The following EPHB1 variants were observed in gnomAD, a reference collection of about 807,000 sequenced individuals.
The protein encoded by EPHB1 is ephrin type-B receptor 1.
In EPHB1, 30 loss-of-function variants were observed where a neutral mutation model predicts 94.4. The ratio of observed to expected loss-of-function variants is 0.32; its 90% CI spans 0.24 to 0.43. The LOEUF (loss-of-function observed/expected upper bound fraction) is 0.43. Ranked by LOEUF, EPHB1 falls within the 20% of genes least tolerant of loss-of-function variation. EPHB1 has a pLI of 1.00. For synonymous variants in EPHB1, 522 were observed against 489.1 expected, an observed-to-expected ratio of 1.07 and a Z score of -0.89; for missense variants, 1,055 against 1,308.3, an observed-to-expected ratio of 0.81 and a Z score of 2.99.
At chr3:135,241,335 T>C (rs745934721) in intron 13 of EPHB1, 38 bp downstream of exon 13, 40 of 1,611,700 alleles carry the variant, frequency 2.5e-5, no homozygotes, top group South Asian at 3.3e-5. Flanking sequence ...CAAACCCCCA[T>C]TGAAGGGATC....
chr3:135,038,778 G>C (rs932685449), intron 3 of EPHB1, among the ~76,000 whole-genome samples: 92 of 152,192 alleles, frequency 6.0e-4, no homozygotes, highest in African/African-American at 2.1e-3. Flanking sequence ...TGGACCCAAA[G>C]AGTGAGCAGT....
At chr3:134,924,533 G>A (rs1380345723) in intron 1 of EPHB1, among the ~76,000 whole-genome samples, 2 of 152,166 alleles carry the variant, frequency 1.3e-5, no homozygotes, top group Non-Finnish European at 2.9e-5. Flanking sequence ...GGACCATAAT[G>A]ATATATCACT....
chr3:135,128,504 A>G (rs1940294388), intron 4 of EPHB1, among the ~76,000 whole-genome samples: 1 of 152,236 alleles, frequency 6.6e-6, no homozygotes, highest in Non-Finnish European at 1.5e-5. Context: ...ACCTGGGGCC[A>G]TCATCATTTT....
At chr3:134,853,708 T>G (rs77684936) in intron 1 of EPHB1, among the ~76,000 whole-genome samples, 111 of 152,326 alleles carry the variant, frequency 7.3e-4, no homozygotes, top group African/African-American at 2.5e-3. Context: ...TGAACCTGCC[T>G]GCAGAAGCAC....
intron 15 of EPHB1, 77 bp downstream of exon 15, chr3:135,249,568 G>T: frequency 6.6e-7 from 1 of 1,519,100 alleles, no homozygotes; most frequent in South Asian, 1.3e-5. Context: ...GATGGTGTGA[G>T]TCCTATTTCT....
At chr3:135,133,901 T>G (rs1940518227) in intron 5 of EPHB1, among the ~76,000 whole-genome samples, 1 of 152,272 alleles carries the variant, frequency 6.6e-6, no homozygotes, top group South Asian at 2.1e-4. Flanking sequence ...TAGCATGTAC[T>G]GTGTGCCACG....
At chr3:134,925,101 C>T (rs528342485) in intron 1 of EPHB1, among the ~76,000 whole-genome samples, 21 of 152,338 alleles carry the variant, frequency 1.4e-4, no homozygotes, top group African/African-American at 5.1e-4. Context: ...CAGCAGCATC[C>T]AGGTGTCTGT....
At chr3:134,809,197 A>C (rs2036121157) in intron 1 of EPHB1, among the ~76,000 whole-genome samples, 1 of 152,184 alleles carries the variant, frequency 6.6e-6, no homozygotes, top group African/African-American at 2.4e-5. Context: ...CAGATCTTCA[A>C]AGTCATTTGC....
intron 1 of EPHB1, among the ~76,000 whole-genome samples, chr3:134,882,948 GA>G (rs2037788422): frequency 6.6e-6 from 1 of 151,702 alleles, no homozygotes; most frequent in Non-Finnish European, 1.5e-5. Context: ...TCAGCCTCCC[GA>G]ATAGCTGGCA....
At chr3:134,834,706 A>G (rs35988574) in intron 1 of EPHB1, among the ~76,000 whole-genome samples, 20,724 of 152,140 alleles carry the variant, frequency 0.14, 1,695 homozygotes, top group African/African-American at 0.23. Context: ...AGTTGAGGAC[A>G]TCCAGGTGAA....
At chr3:135,108,945 G>C (rs1228114888) in intron 4 of EPHB1, among the ~76,000 whole-genome samples, 1 of 152,188 alleles carries the variant, frequency 6.6e-6, no homozygotes, top group East Asian at 1.9e-4. Flanking sequence ...TCAGTGAGGA[G>C]TTACTGAAGG....
intron 1 of EPHB1, among the ~76,000 whole-genome samples, chr3:134,870,497 A>G (rs2037477184): frequency 6.6e-6 from 1 of 152,236 alleles, no homozygotes; most frequent in African/African-American, 2.4e-5. Context: ...CCCACTTAGA[A>G]AGGCCAGGAG....
At chr3:135,153,733 G>C (rs1941267446) in intron 5 of EPHB1, among the ~76,000 whole-genome samples, 1 of 152,082 alleles carries the variant, frequency 6.6e-6, no homozygotes, top group Non-Finnish European at 1.5e-5. Flanking sequence ...ATCATCTCTT[G>C]CCCCAGGTTC....
chr3:134,950,304 T>G (rs28718846), intron 2 of EPHB1, among the ~76,000 whole-genome samples: 17,338 of 152,238 alleles, frequency 0.11, 1,105 homozygotes, highest in Non-Finnish European at 0.13. Context: ...CTCCAGCATT[T>G]TCCTCCATCA....
At position 135,073,628 on chromosome 3, in the gene EPHB1, A is replaced by G. The variant is rs534893820; in HGVS notation, c.806-32820A>G. Among the ~76,000 whole-genome samples, 3 of 152,368 alleles carry G rather than the reference A, an allele frequency of 2.0e-5. 1 individual carries two copies. Among genetic ancestry groups the G allele is most frequent in the South Asian group, 4.1e-4 (2 of 4,826 alleles). The stretch of plus-strand genomic sequence containing the variant: ...AATCTCTGAATATCATCAAATATGC[A>G]GAGAGTGTTCAAAATTTCCTGAATG... On this transcript the variant is annotated intron_variant, in intron 3 of 15. Transcript: ENST00000398015.
intron 7 of EPHB1, among the ~76,000 whole-genome samples, chr3:135,163,702 A>T (rs527530873): frequency 6.6e-6 from 1 of 152,348 alleles, no homozygotes; most frequent in African/African-American, 2.4e-5. Flanking sequence ...ACAAATCAAG[A>T]AGTAACAAAT....
At chr3:135,065,832 G>A (rs1177470825) in intron 3 of EPHB1, among the ~76,000 whole-genome samples, 2 of 152,152 alleles carry the variant, frequency 1.3e-5, no homozygotes. Context: ...GTTTTGATAT[G>A]TTTCCAGCAT....
intron 1 of EPHB1, among the ~76,000 whole-genome samples, chr3:134,898,461 C>T (rs2038130166): frequency 6.6e-6 from 1 of 152,072 alleles, no homozygotes; most frequent in South Asian, 2.1e-4. Context: ...AAATCCAAGC[C>T]CTATCGAATG....
chr3:135,019,434 C>G (rs1935915205), intron 3 of EPHB1, among the ~76,000 whole-genome samples: 1 of 152,106 alleles, frequency 6.6e-6, no homozygotes, highest in African/African-American at 2.4e-5. Flanking sequence ...TCTCTGCTGT[C>G]CAAAGACTTG....
Sources: allele counts gnomAD v4.1 joint callset (sites outside exome capture counted in the v4.1 genomes callset), GRCh38; gene constraint gnomAD v4.1.1; transcripts MANE v1.5; gene names NCBI Gene and HGNC (gene_info 2026-07-23, HGNC 2026-07-21).